Variants in SH2D4A observed in about 807,000 individuals in gnomAD.
SH2D4A encodes SH2 domain containing 4A.
A neutral mutation model predicts 64.7 loss-of-function variants in SH2D4A; 70 were observed. That is an observed-to-expected ratio of 1.08 (90% CI 0.89 to 1.32). The LOEUF is 1.32. Ranked by LOEUF, SH2D4A falls within the 40% of genes most tolerant of loss-of-function variation. SH2D4A has a pLI of 0.00. For missense variants in SH2D4A, 706 were observed against 540.1 expected (o/e 1.31, Z -3.04); for synonymous variants, 268 against 200.7 (o/e 1.34, Z -2.83).
chr8:19,363,878 G>A (rs1369355864), intron 6 of SH2D4A, 194 bp from the exon 7 acceptor site: 4 of 598,830 alleles, frequency 6.7e-6, no homozygotes, highest in Non-Finnish European at 1.2e-5. Flanking sequence ...TGTATGAAGA[G>A]AGGAATCCTG....
intron 5 of SH2D4A, among the ~76,000 whole-genome samples, chr8:19,357,889 A>C (rs2052818591): frequency 6.6e-6 from 1 of 152,206 alleles, no homozygotes; most frequent in African/African-American, 2.4e-5. Context: ...CGAGAGTCTG[A>C]AACAGCAGCG....
intron 5 of SH2D4A, 118 bp downstream of exon 5, chr8:19,357,401 C>A: frequency 3.8e-6 from 3 of 797,990 alleles, no homozygotes; most frequent in South Asian, 1.6e-5. Flanking sequence ...GATGGGAAAT[C>A]TGTCCTAAAA....
intron 4 of SH2D4A, among the ~76,000 whole-genome samples, chr8:19,355,538 C>A (rs2052778491): frequency 6.6e-6 from 1 of 152,220 alleles, no homozygotes; most frequent in Admixed American, 6.5e-5. Flanking sequence ...CATTAGATAT[C>A]TGTTGACCCG....
At chr8:19,391,959 G>A (rs559705679) in intron 8 of SH2D4A, among the ~76,000 whole-genome samples, 5 of 152,272 alleles carry the variant, frequency 3.3e-5, no homozygotes, top group Admixed American at 6.5e-5. Flanking sequence ...AAAAGGGCAC[G>A]CGTAGAACGC....
chr8:19,364,532 T>G (rs922549971), intron 7 of SH2D4A, among the ~76,000 whole-genome samples: 3 of 152,072 alleles, frequency 2.0e-5, no homozygotes, highest in Non-Finnish European at 4.4e-5. Flanking sequence ...AAGCTGTGCA[T>G]GGAATGAGAG....
intron 4 of SH2D4A, among the ~76,000 whole-genome samples, chr8:19,351,089 T>G (rs2052696853): frequency 6.6e-6 from 1 of 152,088 alleles, no homozygotes; most frequent in Non-Finnish European, 1.5e-5. Context: ...TGAAGCAGAG[T>G]TCCATTATTC....
At chr8:19,373,298 C>T (rs534247423) in intron 7 of SH2D4A, among the ~76,000 whole-genome samples, 1 of 150,150 alleles carries the variant, frequency 6.7e-6, no homozygotes, top group South Asian at 2.1e-4. Context: ...GTGTATAATT[C>T]CCTCTCCCTC....
intron 8 of SH2D4A, among the ~76,000 whole-genome samples, chr8:19,390,035 C>T (rs1358449842): frequency 2.0e-5 from 3 of 152,134 alleles, no homozygotes; most frequent in Non-Finnish European, 2.9e-5. Flanking sequence ...CTTCAGAATT[C>T]TTAGAGTTGT....
intron 6 of SH2D4A, 127 bp downstream of exon 6, chr8:19,361,441 T>C: frequency 8.9e-6 from 8 of 900,624 alleles, no homozygotes; most frequent in Non-Finnish European, 1.1e-5. Flanking sequence ...AAGTTACCAC[T>C]CAAATGTTAT....
In SH2D4A at chr8:19,395,460, C is replaced by G. The variant is rs549456495; in HGVS notation, c.*818C>G. 6.6e-6 allele frequency: 1 copy of G among 152,362 alleles called. No individual in the cohort carries two copies. The highest frequency in any genetic ancestry group is 1.5e-5 in the Non-Finnish European group (1 of 68,116). The allele number at this position is 152,362 out of a possible 1,614,324, so 9.4% of individuals were successfully genotyped here. A position where few individuals can be genotyped will look rare whatever the true frequency, so the allele number is the denominator to read the frequency against. ...CCCAAAATATATGGTGAAGTCTTAA[C>G]CCCCATCCCCGTGAATGGGACCTTG... is the stretch of plus-strand genomic sequence containing the variant. On this transcript the variant is annotated 3_prime_UTR_variant, in exon 10 of 10. Coordinates refer to ENST00000265807, the MANE Select transcript of SH2D4A (RefSeq NM_022071.4).
rs17128349 is a variant in SH2D4A, at chr8:19,394,662, C to G, written c.*20C>G. On this transcript the variant is annotated 3_prime_UTR_variant, in exon 10 of 10. Transcript: ENST00000265807. ...GAGTGACAGCCTCCATCAGGGTCATCCTACAGCCTCCAAGCGGGCTTTCCC... is the reference window on the plus strand; with the variant it reads ...GAGTGACAGCCTCCATCAGGGTCATGCTACAGCCTCCAAGCGGGCTTTCCC... The G allele has an allele frequency of 1.3e-6, 2 of 1,575,868 alleles. No individual in the cohort carries two copies. The highest frequency in any genetic ancestry group is 1.7e-6 in the Non-Finnish European group (2 of 1,156,626).
chr8:19,319,099 T>C (rs997138053), intron 1 of SH2D4A, among the ~76,000 whole-genome samples: 5 of 152,210 alleles, frequency 3.3e-5, no homozygotes, highest in Admixed American at 2.6e-4. Context: ...TTTGTTTGCC[T>C]GAGATTGACC....
rs2053561588 is a variant in SH2D4A at position 19,394,884 on chromosome 8, G to A, written c.*242G>A. ...AGAGTCTCAATTTCAGCAAGTACCT[G>A]TCATGAAGGGTATGACCTTAATGAT... is the stretch of plus-strand genomic sequence containing the variant. On this transcript the variant is annotated 3_prime_UTR_variant, in exon 10 of 10. Coordinates refer to ENST00000265807, the MANE Select transcript of SH2D4A (RefSeq NM_022071.4). 1 of 355,668 alleles carries A rather than the reference G, an allele frequency of 2.8e-6. No homozygotes were observed. Among genetic ancestry groups the A allele is most frequent in the Non-Finnish European group, 5.1e-6 (1 of 197,942 alleles). The allele number at this position is 355,668 out of a possible 1,614,324, so 22.0% of individuals were successfully genotyped here. A position where few individuals can be genotyped will look rare whatever the true frequency, so the allele number is the denominator to read the frequency against.
intron 4 of SH2D4A, among the ~76,000 whole-genome samples, chr8:19,340,847 C>G (rs141266161): frequency 6.6e-6 from 1 of 152,172 alleles, no homozygotes; most frequent in Non-Finnish European, 1.5e-5. Flanking sequence ...ATCCTCCTGT[C>G]TCAGCCTCCC....
rs569721855 is a variant in SH2D4A, at chr8:19,379,732, C to T, written c.1048+6072C>T. Among the ~76,000 whole-genome samples the T allele has an allele frequency of 1.1e-3, 172 of 152,162 alleles. 1 individual carries two copies. The highest frequency in any genetic ancestry group is 1.1e-3 in the Non-Finnish European group (73 of 67,986). ...ATCCTTGCCAGCACTTGTTATTTTT[C>T]TTTTTCCTTTTTTCTCTTTTAAGAG... On this transcript the variant is annotated intron_variant, in intron 8 of 9. Coordinates refer to ENST00000265807, the MANE Select transcript of SH2D4A (RefSeq NM_022071.4).
rs2052434036 is a variant in SH2D4A at position 19,335,616 on chromosome 8, C to G, written c.513+759C>G. 2.0e-5 allele frequency among the ~76,000 whole-genome samples: 3 copies of G among 152,114 alleles called. No individual in the cohort carries two copies. The South Asian group carries it at 6.2e-4, about 32-fold the overall frequency. ...TCCAATAAAACTTTATTTTCAAGCA[C>G]AGGCTGAGGGGCAGATTTGGCCTGT... On this transcript the variant is annotated intron_variant, in intron 4 of 9. Transcript: ENST00000265807.
chr8:19,346,032 A>T (rs2052607836), intron 4 of SH2D4A, among the ~76,000 whole-genome samples: 1 of 152,252 alleles, frequency 6.6e-6, no homozygotes, highest in South Asian at 2.1e-4. Flanking sequence ...TTTTCAAAGG[A>T]TATATTTTTG....
chr8:19,352,973 G>T (rs1563197615), intron 4 of SH2D4A, among the ~76,000 whole-genome samples: 1 of 152,070 alleles, frequency 6.6e-6, no homozygotes, highest in African/African-American at 2.4e-5. Context: ...TCATGCCACC[G>T]CACTTCAGCC....
intron 4 of SH2D4A, among the ~76,000 whole-genome samples, chr8:19,355,254 G>A (rs555773958): frequency 7.3e-4 from 111 of 152,222 alleles, no homozygotes; most frequent in African/African-American, 2.4e-3. Flanking sequence ...ATCAAAGAAA[G>A]AGAGAGTGGG....
Sources: allele counts gnomAD v4.1 joint callset (sites outside exome capture counted in the v4.1 genomes callset), GRCh38; gene constraint gnomAD v4.1.1; transcripts MANE v1.5; gene names NCBI Gene and HGNC (gene_info 2026-07-23, HGNC 2026-07-21).